The following GREM2 variants were observed in gnomAD, a reference collection of about 807,000 sequenced individuals.
GREM2 encodes gremlin-2.
A neutral mutation model predicts 14.2 loss-of-function variants in GREM2; 11 were observed. The observed-to-expected ratio is 0.78, with a 90% CI of 0.49 to 1.28. The LOEUF is 1.28. Ranked by LOEUF, GREM2 falls within the 50% of genes most tolerant of loss-of-function variation. The probability of loss-of-function intolerance (pLI) is 0.00; values close to 1 mark genes in which losing one functional copy is unlikely to be tolerated. For missense variants in GREM2, 210 were observed against 218.5 expected, an observed-to-expected ratio of 0.96 and a Z score of 0.24; for synonymous variants, 98 against 97.6, an observed-to-expected ratio of 1.00 and a Z score of -0.02.
chr1:240,544,396 C>T (rs1168089036), intron 1 of GREM2, among the ~76,000 whole-genome samples: 8 of 152,154 alleles, frequency 5.3e-5, no homozygotes, highest in Non-Finnish European at 4.4e-5. Context: ...ATCTGCCCGC[C>T]TTGGCCTCCC....
intron 1 of GREM2, among the ~76,000 whole-genome samples, chr1:240,576,340 G>A (rs1399631380): frequency 6.6e-6 from 1 of 152,188 alleles, no homozygotes; most frequent in Non-Finnish European, 1.5e-5. Context: ...AATCTTGTAA[G>A]GGGATCTTCC....
intron 1 of GREM2, among the ~76,000 whole-genome samples, chr1:240,498,371 C>T (rs1000727463): frequency 5.3e-5 from 8 of 152,144 alleles, no homozygotes; most frequent in Non-Finnish European, 7.4e-5. Context: ...TTTTCTCCTT[C>T]ACACATAGCA....
At chr1:240,580,604 T>C (rs959800023) in intron 1 of GREM2, among the ~76,000 whole-genome samples, 1 of 152,190 alleles carries the variant, frequency 6.6e-6, no homozygotes, top group Non-Finnish European at 1.5e-5. Flanking sequence ...TGACAGCGTC[T>C]CACTTTGTCA....
intron 1 of GREM2, among the ~76,000 whole-genome samples, chr1:240,565,652 TG>T (rs1679163181): frequency 6.6e-6 from 1 of 151,960 alleles, no homozygotes; most frequent in Non-Finnish European, 1.5e-5. Flanking sequence ...GAGATCAGCC[TG>T]GGTAACATGA....
At chr1:240,572,489 G>A (rs1165618063) in intron 1 of GREM2, among the ~76,000 whole-genome samples, 3 of 152,166 alleles carry the variant, frequency 2.0e-5, no homozygotes, top group South Asian at 2.1e-4. Context: ...TAGAGAGTAC[G>A]AAGTCTTCCC....
At chr1:240,494,518 T>G (rs544446789) in intron 1 of GREM2, among the ~76,000 whole-genome samples, 1 of 152,364 alleles carries the variant, frequency 6.6e-6, no homozygotes, top group South Asian at 2.1e-4. Context: ...TAGTTGCATC[T>G]GTATTATTAC....
At chr1:240,546,031 T>C (rs1678708612) in intron 1 of GREM2, among the ~76,000 whole-genome samples, 1 of 152,148 alleles carries the variant, frequency 6.6e-6, no homozygotes, top group African/African-American at 2.4e-5. Flanking sequence ...TCTTCCAATT[T>C]CTCTAAGCAG....
chr1:240,538,035 T>G (rs1183310437), intron 1 of GREM2, among the ~76,000 whole-genome samples: 4 of 152,188 alleles, frequency 2.6e-5, no homozygotes, highest in Non-Finnish European at 4.4e-5. Context: ...ACACTGAAGC[T>G]CGTTAAATTT....
At chr1:240,533,653 A>T (rs949265416) in intron 1 of GREM2, among the ~76,000 whole-genome samples, 1 of 152,204 alleles carries the variant, frequency 6.6e-6, no homozygotes, top group Admixed American at 6.5e-5. Flanking sequence ...CACAAAGTCA[A>T]AGAAAGAATC....
At chr1:240,553,768 A>G (rs1430999488) in intron 1 of GREM2, among the ~76,000 whole-genome samples, 2 of 152,258 alleles carry the variant, frequency 1.3e-5, no homozygotes, top group East Asian at 3.8e-4. Flanking sequence ...CTGAACTCTT[A>G]TCTTTACAGA....
At chr1:240,517,557 T>C (rs906984624) in intron 1 of GREM2, among the ~76,000 whole-genome samples, 2 of 152,334 alleles carry the variant, frequency 1.3e-5, no homozygotes, top group Middle Eastern at 3.4e-3. Flanking sequence ...TATGTATTCT[T>C]ACTCCTTAGT....
intron 1 of GREM2, among the ~76,000 whole-genome samples, chr1:240,573,240 A>G (rs10926301): frequency 0.15 from 22,531 of 152,164 alleles, 1,954 homozygotes; most frequent in South Asian, 0.28. Flanking sequence ...AAGAGGGAGG[A>G]TCACTCGAGC....
intron 1 of GREM2, among the ~76,000 whole-genome samples, chr1:240,509,360 A>ATTTTTT (rs564246660): frequency 2.7e-5 from 3 of 112,024 alleles, no homozygotes; most frequent in Admixed American, 1.0e-4. Context: ...AGCTCATTTG[A>ATTTTTT]TTTTTTTTTT....
intron 1 of GREM2, among the ~76,000 whole-genome samples, chr1:240,575,355 C>T (rs1679340211): frequency 6.6e-6 from 1 of 151,424 alleles, no homozygotes; most frequent in South Asian, 2.1e-4. Context: ...AGTTGCAAAG[C>T]CAAATAGTTC....
intron 1 of GREM2, among the ~76,000 whole-genome samples, chr1:240,496,812 C>T (rs1175756280): frequency 3.9e-5 from 6 of 152,120 alleles, no homozygotes; most frequent in Admixed American, 3.9e-4. Flanking sequence ...GAGTTTGAGA[C>T]CAGCCTGGCC....
chr1:240,493,702 A>G (rs1346498817), intron 1 of GREM2, among the ~76,000 whole-genome samples: 1 of 150,586 alleles, frequency 6.6e-6, no homozygotes, highest in African/African-American at 2.4e-5. Flanking sequence ...CTTTCTTTTT[A>G]TTTTTTTTTG....
chr1:240,566,374 G>A (rs1216145845), intron 1 of GREM2, among the ~76,000 whole-genome samples: 1 of 152,096 alleles, frequency 6.6e-6, no homozygotes, highest in Non-Finnish European at 1.5e-5. Flanking sequence ...ATGATCTCTG[G>A]AAGATGGAAA....
chr1:240,574,463 G>A (rs1288744161), intron 1 of GREM2, among the ~76,000 whole-genome samples: 1 of 150,650 alleles, frequency 6.6e-6, no homozygotes, highest in Non-Finnish European at 1.5e-5. Flanking sequence ...GGTGTAGGTC[G>A]TAGAAGAGGA....
rs370215573 is a variant in GREM2 at position 240,521,323 on chromosome 1, C to T, written c.-1-27847G>A. ...GTGGCTCACGCCTGTAATCCCAGCA[C>T]TTTAGCAGGCCGAAGTGGGCGGATC... On this transcript the variant is annotated intron_variant, in intron 1 of 1. Transcript: ENST00000318160. 4.4e-3 allele frequency among the ~76,000 whole-genome samples: 667 copies of T among 152,292 alleles called. 1 individual carries two copies. The highest frequency in any genetic ancestry group is 0.015 in the African/African-American group (617 of 41,558).
Sources: gnomAD v4.1 joint callset for allele counts (sites outside exome capture counted in the v4.1 genomes callset) on GRCh38, gnomAD v4.1.1 for gene constraint, MANE v1.5 for transcripts, NCBI Gene and HGNC (gene_info 2026-07-23, HGNC 2026-07-21) for gene names.